MR1: variants seen among roughly 807,000 people sequenced by gnomAD.
MR1 encodes the protein major histocompatibility complex, class I-related.
In MR1, 44 loss-of-function variants were observed where a neutral mutation model predicts 37.8. The observed-to-expected ratio is 1.16, with a 90% confidence interval of 0.91 to 1.50. The LOEUF (loss-of-function observed/expected upper bound fraction) is 1.50, where lower values mean the gene tolerates loss of function less well. MR1 is among the 40% of genes most tolerant of loss of function. The pLI, the probability that MR1 is intolerant of heterozygous loss-of-function variation, is 0.00. For missense variants in MR1, 386 were observed against 419.1 expected (o/e 0.92, Z 0.69); for synonymous variants, 153 against 155.8 (o/e 0.98, Z 0.13).
At chr1:181,036,457 T>C (rs899934926) in intron 1 of MR1, among the ~76,000 whole-genome samples, 1 of 152,164 alleles carries the variant, frequency 6.6e-6, no homozygotes, top group Non-Finnish European at 1.5e-5. Context: ...TATGAGATTA[T>C]GAAAGAAGAC....
chr1:181,039,407 G>A (rs376045037), intron 1 of MR1, among the ~76,000 whole-genome samples: 1 of 152,058 alleles, frequency 6.6e-6, no homozygotes, highest in Non-Finnish European at 1.5e-5. Context: ...CTTTTCTGGC[G>A]CTTGCTGCTT....
intron 1 of MR1, among the ~76,000 whole-genome samples, chr1:181,048,592 G>A (rs932893149): frequency 2.6e-5 from 4 of 151,992 alleles, no homozygotes; most frequent in African/African-American, 4.8e-5. Context: ...ATGCCCACAC[G>A]TGCACACACA....
At chr1:181,041,781 G>T (rs1481170522) in intron 1 of MR1, among the ~76,000 whole-genome samples, 1 of 152,096 alleles carries the variant, frequency 6.6e-6, no homozygotes, top group African/African-American at 2.4e-5. Flanking sequence ...AAATAGTGTT[G>T]CCCATTCCTC....
In MR1 at chr1:181,055,225, A is replaced by G; in HGVS notation, c.986A>G (p.Glu329Gly). ...TGACTAAAAACCCCTTTCCTTTCAG[A>G]GCAAAATGGAGCCATCTACCTTCCA... The part of the protein sequence containing the change: ...GVLVWRRRPR[E>G]QNGAIYLPTP... The change falls in exon 6 of 6, where the codon GAG (glutamate) becomes GGG (glycine). Residue 329 changes from glutamate (E) to glycine (G), a missense_variant and splice_region_variant. Coordinates refer to ENST00000367580, the MANE Select transcript of MR1 (RefSeq NM_001385161.1). The G allele has an allele frequency of 6.2e-7, 1 of 1,613,682 alleles. No homozygotes were observed. The highest frequency in any genetic ancestry group is 8.5e-7 in the Non-Finnish European group (1 of 1,179,602).
intron 2 of MR1, 199 bp downstream of exon 2, chr1:181,049,511 C>T (rs1273842877): frequency 4.7e-6 from 3 of 639,382 alleles, no homozygotes; most frequent in Non-Finnish European, 8.0e-6. Flanking sequence ...CAGGAGCACT[C>T]TGTCATTTGC....
rs1211414285 is a variant in MR1, at chr1:181,057,977, T to C, written c.*2712T>C. 1 of 152,286 alleles carries C rather than the reference T, an allele frequency of 6.6e-6. No homozygotes were observed. The highest frequency in any genetic ancestry group is 1.5e-5 in the Non-Finnish European group (1 of 68,080). The allele number at this position is 152,286 out of a possible 1,614,324, so 9.4% of individuals were successfully genotyped here. ...GTGAGCCGAGATCGCGCCATCGCAC[T>C]CTAGCCTGGGCAACAAGAGTGAAAC... On this transcript the variant is annotated 3_prime_UTR_variant, in exon 6 of 6. Transcript: ENST00000367580.
At chr1:181,048,900 G>T (rs898618919) in intron 1 of MR1, 152 bp from the exon 2 acceptor site, 59 of 989,986 alleles carry the variant, frequency 6.0e-5, no homozygotes, top group Middle Eastern at 4.5e-4. Context: ...CGGTTCCTGG[G>T]TTCTGTGGTT....
intron 1 of MR1, among the ~76,000 whole-genome samples, chr1:181,043,994 C>G (rs1004800416): frequency 1.7e-5 from 2 of 119,308 alleles, no homozygotes; most frequent in Non-Finnish European, 3.2e-5. Flanking sequence ...GACAGAGTCT[C>G]ACTCTGTCGC....
chr1:181,038,488 A>G (rs1248898944), intron 1 of MR1, among the ~76,000 whole-genome samples: 1 of 152,256 alleles, frequency 6.6e-6, no homozygotes, highest in Non-Finnish European at 1.5e-5. Flanking sequence ...GAGAGAGCCA[A>G]TAAATAATCA....
intron 1 of MR1, among the ~76,000 whole-genome samples, chr1:181,044,313 A>T (rs1238280925): frequency 6.6e-6 from 1 of 152,218 alleles, no homozygotes; most frequent in Non-Finnish European, 1.5e-5. Context: ...AGGAATGAAT[A>T]TCATTAAGTG....
At chr1:181,048,103 A>G (rs1409175393) in intron 1 of MR1, among the ~76,000 whole-genome samples, 2 of 150,930 alleles carry the variant, frequency 1.3e-5, no homozygotes, top group African/African-American at 4.9e-5. Context: ...CTGTTATCCC[A>G]GCTATTTTGG....
Position 181,061,027 on chromosome 1 carries a change from C to T in MR1, c.*5762C>T, listed in dbSNP as rs1156403818. ...TGCACCAAGGCTCTCATTGAGGCCA[C>T]CTTCTCCAACAAGCTCCCCTCCTGC... On this transcript the variant is annotated 3_prime_UTR_variant, in exon 6 of 6. Transcript: ENST00000367580. 6.6e-6 allele frequency: 1 copy of T among 152,380 alleles called. No individual in the cohort carries two copies. Among genetic ancestry groups the T allele is most frequent in the African/African-American group, 2.4e-5 (1 of 41,456 alleles). The allele number at this position is 152,380 out of a possible 1,614,324, so 9.4% of individuals were successfully genotyped here. A position where few individuals can be genotyped will look rare whatever the true frequency, so the allele number is the denominator to read the frequency against.
intron 5 of MR1, 40 bp downstream of exon 5, chr1:181,053,717 C>G: frequency 7.4e-7 from 1 of 1,347,382 alleles, no homozygotes; most frequent in Non-Finnish European, 1.1e-6. Flanking sequence ...GCTGCAGACT[C>G]TCCTGCATCT....
chr1:181,033,648 A>C (rs184889627), upstream of MR1, among the ~76,000 whole-genome samples: 34 of 152,298 alleles, frequency 2.2e-4, no homozygotes, highest in East Asian at 6.6e-3. Flanking sequence ...ACCCTTAAGC[A>C]AAATTCTAAG....
At chr1:181,052,101 C>A in intron 3 of MR1, 134 bp from the exon 4 acceptor site, 1 of 995,288 alleles carries the variant, frequency 1.0e-6, no homozygotes, top group Non-Finnish European at 1.5e-6. Flanking sequence ...GTTGATGAAC[C>A]TGAGTTCTGG....
chr1:181,035,448 A>G (rs1342159667), intron 1 of MR1, among the ~76,000 whole-genome samples: 4 of 152,184 alleles, frequency 2.6e-5, no homozygotes, highest in Non-Finnish European at 5.9e-5. Context: ...CTCTGCTTCC[A>G]TGAAAATTTA....
intron 1 of MR1, among the ~76,000 whole-genome samples, chr1:181,038,383 C>T (rs1657381712): frequency 6.6e-6 from 1 of 152,208 alleles, no homozygotes; most frequent in Non-Finnish European, 1.5e-5. Flanking sequence ...ATATTGCCAC[C>T]TACTTCTCCC....
intron 1 of MR1, among the ~76,000 whole-genome samples, chr1:181,045,886 G>A (rs1180384534): frequency 6.6e-6 from 1 of 152,238 alleles, no homozygotes; most frequent in African/African-American, 2.4e-5. Flanking sequence ...GGGCCAGCTG[G>A]AGTTCCAAGT....
At chr1:181,039,664 G>A (rs547557365) in intron 1 of MR1, among the ~76,000 whole-genome samples, 17 of 152,098 alleles carry the variant, frequency 1.1e-4, no homozygotes, top group Non-Finnish European at 2.1e-4. Flanking sequence ...TCATGAGTTC[G>A]AGACCAGCCT....
Sources: gnomAD v4.1 joint callset for allele counts (sites outside exome capture counted in the v4.1 genomes callset) on GRCh38, gnomAD v4.1.1 for gene constraint, MANE v1.5 for transcripts, NCBI Gene and HGNC (gene_info 2026-07-23, HGNC 2026-07-21) for gene names.